SCCPDH: variants seen among roughly 807,000 people sequenced by gnomAD.
The protein encoded by SCCPDH is saccharopine dehydrogenase (putative), also known as saccharopine dehydrogenase-like oxidoreductase.
A neutral mutation model predicts 51.5 loss-of-function variants in SCCPDH; 34 were observed. That is an observed-to-expected ratio of 0.66 (90% CI 0.50 to 0.88). SCCPDH has a LOEUF of 0.88. Ranked by LOEUF, SCCPDH falls within the 40% of genes least tolerant of loss-of-function variation. The pLI, the probability that SCCPDH is intolerant of heterozygous loss-of-function variation, is 0.00. For missense variants in SCCPDH, 464 were observed against 527.1 expected (o/e 0.88, Z 1.17); for synonymous variants, 187 against 191.3 (o/e 0.98, Z 0.19).
chr1:246,758,822 G>T (rs12135184), intron 6 of SCCPDH, among the ~76,000 whole-genome samples: 67,329 of 150,566 alleles, frequency 0.45, 15,119 homozygotes, highest in Admixed American at 0.5. Flanking sequence ...GAGCGTTCTG[G>T]TTTTTTTTTT....
chr1:246,731,668 G>A (rs1668490929), intron 2 of SCCPDH, among the ~76,000 whole-genome samples: 1 of 152,226 alleles, frequency 6.6e-6, no homozygotes, highest in South Asian at 2.1e-4. Context: ...GACTTTCTGT[G>A]ACATGCTAAG....
intron 5 of SCCPDH, among the ~76,000 whole-genome samples, chr1:246,753,039 C>T (rs891037434): frequency 1.3e-5 from 2 of 151,570 alleles, no homozygotes; most frequent in African/African-American, 4.9e-5. Context: ...TTCTCTCTCT[C>T]TCTTTTTCTT....
chr1:246,725,163 T>C lies in SCCPDH; in HGVS notation c.190+551T>C, dbSNP rs139320798. On this transcript the variant is annotated intron_variant, in intron 1 of 11. Transcript: ENST00000366510. Reference sequence around the variant, plus strand: ...TAAGAATACTCCAGCAGTCTTCCTCTTCAGAGAATAAAAAGTGTGTATTTC... The same window carrying C: ...TAAGAATACTCCAGCAGTCTTCCTCCTCAGAGAATAAAAAGTGTGTATTTC... 3.3e-5 allele frequency among the ~76,000 whole-genome samples: 5 copies of C among 152,354 alleles called. No individual in the cohort carries two copies. In the East Asian group the frequency reaches 9.6e-4, roughly 29 times the overall value.
At chr1:246,733,433 AATAT>A (rs201157709) in intron 2 of SCCPDH, among the ~76,000 whole-genome samples, 2 of 149,884 alleles carry the variant, frequency 1.3e-5, no homozygotes, top group Non-Finnish European at 3.0e-5. Flanking sequence ...TTATATGTAT[AATAT>A]ATATATATAA....
At chr1:246,734,941 G>T (rs1190176300) in intron 2 of SCCPDH, among the ~76,000 whole-genome samples, 2 of 152,178 alleles carry the variant, frequency 1.3e-5, no homozygotes, top group African/African-American at 2.4e-5. Flanking sequence ...CAGAATATCT[G>T]CTCTGTTCAG....
chr1:246,726,995 CGT>C lies in SCCPDH; in HGVS notation c.295_296del (p.Val99ArgfsTer16), dbSNP rs1668409813. 6.2e-7 allele frequency: 1 copy of C among 1,604,792 alleles called. No homozygotes were observed. The highest frequency in any genetic ancestry group is 8.5e-7 in the Non-Finnish European group (1 of 1,171,620). On this transcript the variant is annotated frameshift_variant, in exon 2 of 12. Coordinates refer to ENST00000366510, the MANE Select transcript of SCCPDH (RefSeq NM_016002.3). LOFTEE classifies it high-confidence loss of function. ...AACAGGCAACAGTTGTCCTCAATTG[CGT>C]AGGACCAGTAAGTAATCAACCCTTC... The part of the protein sequence containing the change: ...AKQATVVLNC[V>X]GPYRFYGEPV...
intron 9 of SCCPDH, among the ~76,000 whole-genome samples, chr1:246,763,650 TCCC>T (rs959517365): frequency 6.6e-6 from 1 of 151,838 alleles, no homozygotes; most frequent in African/African-American, 2.4e-5. Flanking sequence ...TATCTCTCTC[TCCC>T]CCCCTTTCCT....
chr1:246,755,371 G>A (rs571762112), intron 5 of SCCPDH: 210 of 152,328 alleles, frequency 1.4e-3, no homozygotes, highest in African/African-American at 4.9e-3. Context: ...AGAGAATAAG[G>A]CAGAAAGACA....
At chr1:246,730,127 A>G (rs1352173839) in intron 2 of SCCPDH, among the ~76,000 whole-genome samples, 1 of 151,962 alleles carries the variant, frequency 6.6e-6, no homozygotes, top group Admixed American at 6.6e-5. Context: ...AAGAATTCTC[A>G]TGACTCACTA....
At chr1:246,750,816 T>C (rs1212017922) in intron 5 of SCCPDH, among the ~76,000 whole-genome samples, 1 of 152,236 alleles carries the variant, frequency 6.6e-6, no homozygotes, top group African/African-American at 2.4e-5. Context: ...GTGTAATGAA[T>C]CTGGATACTT....
intron 3 of SCCPDH, among the ~76,000 whole-genome samples, chr1:246,738,941 A>G (rs1668638228): frequency 6.6e-6 from 1 of 152,194 alleles, no homozygotes. Context: ...GCTTCTCCAC[A>G]TTTATGTGCA....
At chr1:246,759,845 A>G (rs1668984505) in intron 7 of SCCPDH, 112 bp from the exon 8 acceptor site, 1 of 1,166,546 alleles carries the variant, frequency 8.6e-7, no homozygotes, top group Non-Finnish European at 1.2e-6. Flanking sequence ...TAAAGTGGAA[A>G]CTGCTTTTGT....
rs764705821 is a variant in SCCPDH at position 246,724,863 on chromosome 1, C to A, written c.190+251C>A. Among the ~76,000 whole-genome samples the A allele has an allele frequency of 2.0e-3, 302 of 152,220 alleles. 1 individual carries two copies. Among genetic ancestry groups the A allele is most frequent in the Non-Finnish European group, 3.2e-3 (219 of 68,008 alleles). ...TTTTTTCTTTCCTTCTCCTCTTTCC[C>A]GCTTTTTGCATTTCTGCCTCAGTTT... On this transcript the variant is annotated intron_variant, in intron 1 of 11. Coordinates refer to ENST00000366510, the MANE Select transcript of SCCPDH (RefSeq NM_016002.3).
At position 246,724,470 on chromosome 1, in the gene SCCPDH, T is replaced by C; in HGVS notation, c.48T>C (p.Ser16=). The C allele has an allele frequency of 6.3e-7, 1 of 1,591,048 alleles. No homozygotes were observed. Among genetic ancestry groups the C allele is most frequent in the Non-Finnish European group, 8.5e-7 (1 of 1,171,324 alleles). Residue 16 remains serine (S), a synonymous_variant, in exon 1 of 12, where the codon TCT becomes TCC. Coordinates refer to ENST00000366510, the MANE Select transcript of SCCPDH (RefSeq NM_016002.3). ...RPFHLVVFGA[S]GFTGQFVTEE... ...TCCACCTGGTGGTGTTCGGCGCGTC[T>C]GGCTTCACCGGCCAGTTCGTGACCG...
intron 4 of SCCPDH, among the ~76,000 whole-genome samples, chr1:246,740,715 A>G (rs1668663159): frequency 1.3e-5 from 2 of 152,226 alleles, no homozygotes; most frequent in African/African-American, 4.8e-5. Flanking sequence ...TTATTTAAGA[A>G]TGGAGAAAAT....
intron 5 of SCCPDH, among the ~76,000 whole-genome samples, chr1:246,745,770 T>G (rs2102985608): frequency 6.6e-6 from 1 of 152,192 alleles, no homozygotes; most frequent in South Asian, 2.1e-4. Context: ...AGTATAAGTG[T>G]AGTAGGACAA....
intron 3 of SCCPDH, among the ~76,000 whole-genome samples, chr1:246,737,023 AC>A (rs1260763492): frequency 6.6e-6 from 1 of 152,152 alleles, no homozygotes; most frequent in Non-Finnish European, 1.5e-5. Context: ...GGTTTGCCTG[AC>A]CACAGGAAGT....
chr1:246,743,672 A>G (rs1668713613), intron 4 of SCCPDH, among the ~76,000 whole-genome samples: 1 of 151,956 alleles, frequency 6.6e-6, no homozygotes, highest in African/African-American at 2.4e-5. Context: ...TCATAGATCT[A>G]TTTGGTAATT....
intron 2 of SCCPDH, among the ~76,000 whole-genome samples, chr1:246,729,680 A>T (rs1399930476): frequency 6.6e-6 from 1 of 152,236 alleles, no homozygotes; most frequent in African/African-American, 2.4e-5. Flanking sequence ...CTGAGGCAAC[A>T]TACATCCTCA....
Sources: gnomAD v4.1 joint callset for allele counts (sites outside exome capture counted in the v4.1 genomes callset) on GRCh38, gnomAD v4.1.1 for gene constraint, MANE v1.5 for transcripts, NCBI Gene and HGNC (gene_info 2026-07-23, HGNC 2026-07-21) for gene names.